Variants in DHRS12 observed in about 807,000 individuals in gnomAD.
The protein encoded by DHRS12 is dehydrogenase/reductase 12.
DHRS12 carries 29 observed loss-of-function variants against 32.1 expected under a neutral mutation model. That is an observed-to-expected ratio of 0.90 (90% confidence interval 0.67 to 1.23). The LOEUF (loss-of-function observed/expected upper bound fraction) is 1.23. DHRS12 is among the 50% of genes most tolerant of loss of function. The pLI is 0.00. For synonymous variants in DHRS12, 150 were observed against 135.9 expected (o/e 1.10, Z -0.72); for missense variants, 330 against 337.2 (o/e 0.98, Z 0.17).
rs776452752 is a variant in DHRS12, at chr13:51,773,881, C to G, written c.468+49G>C. 5.9e-6 allele frequency: 9 copies of G among 1,528,348 alleles called. No individual in the cohort carries two copies. In the Middle Eastern group the frequency reaches 1.2e-3, roughly 202 times the overall value. 94.7% of individuals were successfully genotyped at this position (1,528,348 alleles called of 1,614,324 possible). On this transcript the variant is annotated intron_variant, in intron 6 of 8. Transcript: ENST00000444610. ...AGTAAGCTTTCCTTGGAAAAGGGCC[C>G]TCGCAGCCCGTGGGTAAAATGCAGT... is the stretch of plus-strand genomic sequence containing the variant.
At chr13:51,760,059 G>T in the DHRS12 span, 1 of 312,620 alleles carries the variant, frequency 3.2e-6, no homozygotes, top group Non-Finnish European at 5.8e-6. Context: ...TCTGTGTGGG[G>T]TGTTTAATTT....
In DHRS12 at chr13:51,788,950, A is replaced by G. The variant is rs1459670599; in HGVS notation, c.301+1061T>C. On this transcript the variant is annotated intron_variant, in intron 4 of 8. Transcript: ENST00000444610. Reference sequence around the variant, plus strand: ...TCCCCTTCTCCTCTTTCTGGGGAAGAAGAGAAGGGGAGTCCCCGGTGACCA... The same window carrying G: ...TCCCCTTCTCCTCTTTCTGGGGAAGGAGAGAAGGGGAGTCCCCGGTGACCA... 3.9e-5 allele frequency among the ~76,000 whole-genome samples: 6 copies of G among 152,174 alleles called. No homozygotes were observed. In the South Asian group the frequency reaches 1.2e-3, roughly 32 times the overall value.
At position 51,768,210 on chromosome 13, in the gene DHRS12, G is replaced by C; in HGVS notation, c.784C>G (p.Gln262Glu). The change falls in exon 9 of 9, where the codon CAG becomes GAG. Residue 262 changes from glutamine (Q) to glutamate (E), a missense_variant. Gln to Glu is a conservative substitution (Grantham distance 29). Coordinates refer to ENST00000444610, the MANE Select transcript of DHRS12 (RefSeq NM_001377533.1). ...EEEKLIEILEQLAQTFK is the reference protein window; with the variant it reads ...EEEKLIEILEELAQTFK ...GCCTATTTAAATGTCTGAGCCAGCT[G>C]TTCCAGGATTTCAATGAGTTTCTCC... 1 of 1,536,154 alleles carries C rather than the reference G, an allele frequency of 6.5e-7. No individual in the cohort carries two copies. Among genetic ancestry groups the C allele is most frequent in the Non-Finnish European group, 8.7e-7 (1 of 1,146,916 alleles).
chr13:51,759,009 C>T, the DHRS12 span, among the ~76,000 whole-genome samples: 1 of 152,102 alleles, frequency 6.6e-6, no homozygotes, highest in South Asian at 2.1e-4. Flanking sequence ...TAGTGTGACC[C>T]TGTCTTAACA....
At chr13:51,770,513 G>A (rs1050496103) in intron 7 of DHRS12, among the ~76,000 whole-genome samples, 3 of 152,180 alleles carry the variant, frequency 2.0e-5, no homozygotes, top group African/African-American at 7.2e-5. Context: ...CCCTGGACAG[G>A]CAGAACCAAG....
intron 7 of DHRS12, chr13:51,771,026 G>A (rs1953984857): frequency 1.4e-6 from 2 of 1,425,904 alleles, no homozygotes; most frequent in Non-Finnish European, 1.8e-6. Context: ...GTGTGTGAGA[G>A]CCTGATTCCC....
Position 51,769,237 on chromosome 13 carries a change from C to G in DHRS12, c.616G>C (p.Glu206Gln), listed in dbSNP as rs1050275341. The change falls in exon 8 of 9, where the codon GAG (glutamate) becomes CAG (glutamine). Residue 206 changes from glutamate (E) to glutamine (Q), a missense_variant. Glu to Gln is a conservative substitution (Grantham distance 29). Transcript: ENST00000444610. ...AGCATGGTGTCCGCGCCCTGGGCCT[C>G]GGAGCGCAGGCGGTCCCCGAACCTG... Reference protein sequence around the residue: ...HARFGDRLRSEAQGADTMLWL... With the variant: ...HARFGDRLRSQAQGADTMLWL... The G allele has an allele frequency of 5.7e-6, 9 of 1,589,308 alleles. No individual in the cohort carries two copies. Among genetic ancestry groups the G allele is most frequent in the Admixed American group, 1.8e-5 (1 of 57,068 alleles).
chr13:51,766,236 A>C (rs1264804310), downstream of DHRS12: 1 of 152,150 alleles, frequency 6.6e-6, no homozygotes. Context: ...TTGCAAAAGG[A>C]AATCTTTATA....
downstream of DHRS12, chr13:51,767,340 G>C (rs573341510): frequency 3.3e-5 from 5 of 152,334 alleles, no homozygotes; most frequent in African/African-American, 9.6e-5. Flanking sequence ...GCCTCCTTTT[G>C]TCAGAAAGAC....
chr13:51,774,244 A>G (rs1469706271), intron 5 of DHRS12: 4 of 476,652 alleles, frequency 8.4e-6, no homozygotes, highest in Non-Finnish European at 1.5e-5. Flanking sequence ...CTCCTACAGT[A>G]TTCTCCTACA....
chr13:51,802,169 T>TCACACACACACACACA (rs56270918), intron 1 of DHRS12, among the ~76,000 whole-genome samples: 3 of 139,870 alleles, frequency 2.1e-5, no homozygotes, highest in South Asian at 2.5e-4. Context: ...TCTCTATTTT[T>TCACACACACACACACA]CACACACACA....
chr13:51,802,218 C>CACACACACA (rs746047641), intron 1 of DHRS12, among the ~76,000 whole-genome samples: 26 of 99,682 alleles, frequency 2.6e-4, no homozygotes, highest in Non-Finnish European at 3.5e-4. Context: ...CACACACACA[C>CACACACACA]GACTTTCCCA....
chr13:51,788,743 C>G (rs1056161196), intron 4 of DHRS12, among the ~76,000 whole-genome samples: 3 of 151,974 alleles, frequency 2.0e-5, no homozygotes, highest in African/African-American at 7.3e-5. Context: ...TGCCGTAGTC[C>G]TAGCTACTTG....
intron 2 of DHRS12, among the ~76,000 whole-genome samples, chr13:51,797,656 C>T (rs919905732): frequency 5.9e-5 from 9 of 152,182 alleles, no homozygotes; most frequent in Non-Finnish European, 8.8e-5. Context: ...CCTTGTCAAA[C>T]CTAGCCATTC....
chr13:51,779,182 G>C (rs1954585992), intron 4 of DHRS12, among the ~76,000 whole-genome samples: 1 of 152,096 alleles, frequency 6.6e-6, no homozygotes, highest in Non-Finnish European at 1.5e-5. Flanking sequence ...AGCTCACACA[G>C]ATCCAAACAG....
At chr13:51,781,373 A>G (rs1313041345) in intron 4 of DHRS12, among the ~76,000 whole-genome samples, 1 of 152,148 alleles carries the variant, frequency 6.6e-6, no homozygotes, top group Non-Finnish European at 1.5e-5. Context: ...CACGCACTGA[A>G]CAAGTATTTA....
intron 5 of DHRS12, chr13:51,775,806 C>A (rs71436260): frequency 3.2e-5 from 3 of 92,630 alleles, no homozygotes; most frequent in South Asian, 4.2e-4. Context: ...ACAGTATTCT[C>A]CTACATGTAT....
downstream of DHRS12, chr13:51,763,500 C>G (rs1013080668): frequency 6.6e-6 from 1 of 152,206 alleles, no homozygotes; most frequent in African/African-American, 2.4e-5. Flanking sequence ...TTCTGAGATT[C>G]ATTTTATAAA....
At chr13:51,768,944 A>T in intron 8 of DHRS12, 2 of 1,399,250 alleles carry the variant, frequency 1.4e-6, no homozygotes, top group South Asian at 1.6e-5. Flanking sequence ...TGACAGGGTT[A>T]TCACAAGTCT....
Sources: gnomAD v4.1 joint callset for allele counts (sites outside exome capture counted in the v4.1 genomes callset) on GRCh38, gnomAD v4.1.1 for gene constraint, MANE v1.5 for transcripts, NCBI Gene and HGNC (gene_info 2026-07-23, HGNC 2026-07-21) for gene names.